Variants in APPBP2 observed in about 807,000 individuals in gnomAD.
APPBP2 encodes amyloid beta precursor protein binding protein 2, also known as amyloid protein-binding protein 2.
APPBP2 carries 15 observed loss-of-function variants against 76.0 expected under a neutral mutation model. That is an observed-to-expected ratio of 0.20 (90% CI 0.13 to 0.30). The LOEUF (loss-of-function observed/expected upper bound fraction) is 0.30. APPBP2 is among the 10% of genes least tolerant of loss of function. The pLI, the probability that APPBP2 is intolerant of heterozygous loss-of-function variation, is 1.00. For synonymous variants in APPBP2, 222 were observed against 242.2 expected, an observed-to-expected ratio of 0.92 and a Z score of 0.77; for missense variants, 401 against 687.2, an observed-to-expected ratio of 0.58 and a Z score of 4.66.
intron 3 of APPBP2, among the ~76,000 whole-genome samples, chr17:60,487,104 T>G (rs926131470): frequency 4.6e-5 from 7 of 152,300 alleles, no homozygotes; most frequent in Admixed American, 2.6e-4. Flanking sequence ...TAACCTGACC[T>G]TTCTTTCTGG....
intron 4 of APPBP2, among the ~76,000 whole-genome samples, chr17:60,470,471 G>A (rs1396329227): frequency 6.6e-6 from 1 of 152,162 alleles, no homozygotes; most frequent in African/African-American, 2.4e-5. Flanking sequence ...TTGCTATTTT[G>A]CTCAGGCTGG....
At chr17:60,492,458 G>A (rs536420708) in intron 3 of APPBP2, among the ~76,000 whole-genome samples, 17 of 152,304 alleles carry the variant, frequency 1.1e-4, no homozygotes, top group African/African-American at 3.1e-4. Context: ...ACGCCAGTCC[G>A]TGAAAGCAGC....
At chr17:60,487,282 A>AAG in intron 3 of APPBP2, among the ~76,000 whole-genome samples, 2 of 151,812 alleles carry the variant, frequency 1.3e-5, no homozygotes, top group South Asian at 4.2e-4. Context: ...TAATATCCTG[A>AAG]AGTGTCTTCC....
intron 3 of APPBP2, among the ~76,000 whole-genome samples, chr17:60,487,525 C>T (rs971562511): frequency 4.6e-5 from 7 of 152,114 alleles, no homozygotes; most frequent in African/African-American, 1.2e-4. Flanking sequence ...AGTTCTCGCG[C>T]CATGGTTTTC....
Position 60,525,946 on chromosome 17 carries a change from C to A in APPBP2, c.-15G>T. 6.4e-7 allele frequency: 1 copy of A among 1,557,946 alleles called. No homozygotes were observed. The highest frequency in any genetic ancestry group is 8.7e-7 in the Non-Finnish European group (1 of 1,149,294). On this transcript the variant is annotated 5_prime_UTR_variant, in exon 1 of 13. Transcript: ENST00000083182. ...ACGGCCGCCATCTTCCTTCCCTCCT[C>A]CTCCGCCTCCTCCGCCTCCTCCTCC... is the stretch of plus-strand genomic sequence containing the variant.
chr17:60,449,409 C>T (rs1015546523), intron 12 of APPBP2, among the ~76,000 whole-genome samples: 2 of 152,120 alleles, frequency 1.3e-5, no homozygotes, highest in Non-Finnish European at 1.5e-5. Flanking sequence ...CTGGCCAACA[C>T]GGCAAAACCT....
chr17:60,519,107 AT>A (rs1308768069), intron 1 of APPBP2, among the ~76,000 whole-genome samples: 1 of 151,264 alleles, frequency 6.6e-6, no homozygotes, highest in Non-Finnish European at 1.5e-5. Context: ...GACCACAGGC[AT>A]GCACCACCAC....
At chr17:60,480,045 T>C (rs553482459) in intron 3 of APPBP2, among the ~76,000 whole-genome samples, 2 of 152,316 alleles carry the variant, frequency 1.3e-5, no homozygotes, top group African/African-American at 4.8e-5. Context: ...GCAACAGTTA[T>C]TAAGGAATAA....
chr17:60,457,598 T>C lies in APPBP2; in HGVS notation c.1062-1217A>G, dbSNP rs190286065. 1.8e-3 allele frequency among the ~76,000 whole-genome samples: 270 copies of C among 152,132 alleles called. 1 individual carries two copies. The highest frequency in any genetic ancestry group is 6.4e-3 in the African/African-American group (264 of 41,494). ...ACACTGCCATGCCCAACTAATTTTT[T>C]TGCATTTTCTTTGAAGAGACAGGGA... On this transcript the variant is annotated intron_variant, in intron 9 of 12. Transcript: ENST00000083182.
chr17:60,524,822 T>C (rs2091038691), intron 1 of APPBP2, among the ~76,000 whole-genome samples: 1 of 152,214 alleles, frequency 6.6e-6, no homozygotes, highest in Non-Finnish European at 1.5e-5. Flanking sequence ...ACATTTTGCA[T>C]GGGTGGCTAC....
At chr17:60,510,599 C>A (rs2090903973) in intron 1 of APPBP2, among the ~76,000 whole-genome samples, 1 of 151,070 alleles carries the variant, frequency 6.6e-6, no homozygotes, top group Non-Finnish European at 1.5e-5. Flanking sequence ...GGCGTGTGCC[C>A]CAGGTACTTG....
chr17:60,491,032 T>C (rs2090724827), intron 3 of APPBP2, among the ~76,000 whole-genome samples: 1 of 152,026 alleles, frequency 6.6e-6, no homozygotes, highest in Admixed American at 6.6e-5. Flanking sequence ...CCTGAAAATG[T>C]GGAAGCAACT....
chr17:60,451,126 C>T (rs1229899016), intron 12 of APPBP2, among the ~76,000 whole-genome samples: 1 of 152,136 alleles, frequency 6.6e-6, no homozygotes, highest in African/African-American at 2.4e-5. Flanking sequence ...CAGTGATACG[C>T]AACATCACAG....
chr17:60,467,090 C>A (rs767012847), intron 4 of APPBP2, among the ~76,000 whole-genome samples: 8 of 152,222 alleles, frequency 5.3e-5, no homozygotes, highest in Admixed American at 3.9e-4. Flanking sequence ...TAGATAGCAA[C>A]AGACTGTGTA....
intron 9 of APPBP2, among the ~76,000 whole-genome samples, chr17:60,458,328 G>C (rs374809353): frequency 1.4e-4 from 22 of 152,158 alleles, no homozygotes; most frequent in East Asian, 7.7e-4. Flanking sequence ...CAGCTACTCA[G>C]GTGGCTGAGA....
At position 60,509,283 on chromosome 17, in the gene APPBP2, G is replaced by A. The variant is rs2090892662; in HGVS notation, c.139-8796C>T. ...TAGTCCCAGCTACCAGGAGGCTAAGGCAGGAGAATTGCTTGAACCTGGGAG... is the reference window on the plus strand; with the variant it reads ...TAGTCCCAGCTACCAGGAGGCTAAGACAGGAGAATTGCTTGAACCTGGGAG... On this transcript the variant is annotated intron_variant, in intron 1 of 12. Coordinates refer to ENST00000083182, the MANE Select transcript of APPBP2 (RefSeq NM_006380.5). 2.6e-5 allele frequency among the ~76,000 whole-genome samples: 4 copies of A among 152,060 alleles called. No individual in the cohort carries two copies. The South Asian group carries it at 6.2e-4, about 24-fold the overall frequency.
chr17:60,518,942 A>T (rs1215313779), intron 1 of APPBP2, among the ~76,000 whole-genome samples: 1 of 152,174 alleles, frequency 6.6e-6, no homozygotes, highest in Non-Finnish European at 1.5e-5. Context: ...GATAGATTTT[A>T]AAATTATTTT....
At chr17:60,480,391 A>G (rs1450983264) in intron 3 of APPBP2, among the ~76,000 whole-genome samples, 1 of 152,162 alleles carries the variant, frequency 6.6e-6, no homozygotes, top group Non-Finnish European at 1.5e-5. Flanking sequence ...AACAACAACA[A>G]CAAAACTCTG....
chr17:60,468,120 T>C (rs1275616923), intron 4 of APPBP2, among the ~76,000 whole-genome samples: 2 of 152,186 alleles, frequency 1.3e-5, no homozygotes, highest in African/African-American at 4.8e-5. Context: ...CTACTGAGTA[T>C]TAGAAATGTG....
Sources: gnomAD v4.1 joint callset for allele counts (sites outside exome capture counted in the v4.1 genomes callset) on GRCh38, gnomAD v4.1.1 for gene constraint, MANE v1.5 for transcripts, NCBI Gene and HGNC (gene_info 2026-07-23, HGNC 2026-07-21) for gene names.